The following SDR9C7 variants were observed in gnomAD, a reference collection of about 807,000 sequenced individuals.
SDR9C7 encodes short-chain dehydrogenase/reductase family 9C member 7.
SDR9C7 carries 11 observed loss-of-function variants against 23.6 expected under a neutral mutation model. That is an observed-to-expected ratio of 0.47 (90% CI 0.29 to 0.77). SDR9C7 has a LOEUF of 0.77. SDR9C7 is among the 30% of genes least tolerant of loss of function. The pLI is 0.09. For synonymous variants in SDR9C7, 167 were observed against 157.3 expected, an observed-to-expected ratio of 1.06 and a Z score of -0.46; for missense variants, 387 against 407.1, an observed-to-expected ratio of 0.95 and a Z score of 0.42.
chr12:56,933,325 G>T (rs1168970315), intron 1 of SDR9C7, among the ~76,000 whole-genome samples: 1 of 152,114 alleles, frequency 6.6e-6, no homozygotes, highest in Non-Finnish European at 1.5e-5. Context: ...TGATGGTTAG[G>T]ACTGCTGAAA....
In SDR9C7 at chr12:56,933,836, C is replaced by T. The variant is rs1192318685; in HGVS notation, c.301+125G>A. 4 of 1,159,942 alleles carry T rather than the reference C, an allele frequency of 3.4e-6. No individual in the cohort carries two copies. The East Asian group carries it at 9.5e-5, about 28-fold the overall frequency. 71.9% of individuals were successfully genotyped at this position (1,159,942 alleles called of 1,614,324 possible). On this transcript the variant is annotated intron_variant, in intron 1 of 3. Transcript: ENST00000293502. ...CTTCCAATCAGATTGAGGCAGGGGC[C>T]TTTCCCTACATCACCCCTCCCACCC...
rs757711160 is a variant in SDR9C7 at position 56,930,506 on chromosome 12, C to A, written c.302-22G>T. 8.7e-6 allele frequency: 14 copies of A among 1,609,836 alleles called. 1 individual carries two copies. The South Asian group carries it at 1.4e-4, about 16-fold the overall frequency. ...AGGCCTGGGGGTGAGATGAACCACA[C>A]AGAAATCATCAGTGGGCCTGGGAAA... On this transcript the variant is annotated intron_variant, in intron 1 of 3. Transcript: ENST00000293502.
Position 56,926,184 on chromosome 12 carries a change from C to T in SDR9C7, c.725-2134G>A, listed in dbSNP as rs181298445. Among the ~76,000 whole-genome samples, 137 of 152,286 alleles carry T rather than the reference C, an allele frequency of 9.0e-4. 1 individual carries two copies. Among genetic ancestry groups the T allele is most frequent in the African/African-American group, 3.3e-3 (137 of 41,550 alleles). On this transcript the variant is annotated intron_variant, in intron 3 of 3. Coordinates refer to ENST00000293502, the MANE Select transcript of SDR9C7 (RefSeq NM_148897.3). The stretch of plus-strand genomic sequence containing the variant: ...CAGGCCTGGTCCTAGGGGTTACAAG[C>T]CAGGGGCCTGTTTGGTCAGTCACAG...
Position 56,923,516 on chromosome 12 carries a change from G to C in SDR9C7, c.*317C>G, listed in dbSNP as rs1955711741. ...AGGGGCTCATGATTCCACAGGAGCT[G>C]GTTTTCTTCTCCATGACTTTTCCAG... On this transcript the variant is annotated 3_prime_UTR_variant, in exon 4 of 4. Transcript: ENST00000293502. 1 of 218,148 alleles carries C rather than the reference G, an allele frequency of 4.6e-6. No homozygotes were observed. 13.5% of individuals were successfully genotyped at this position (218,148 alleles called of 1,614,324 possible). A position where few individuals can be genotyped will look rare whatever the true frequency, so the allele number is the denominator to read the frequency against.
chr12:56,926,262 C>T (rs1955733127), intron 3 of SDR9C7, among the ~76,000 whole-genome samples: 1 of 152,204 alleles, frequency 6.6e-6, no homozygotes. Context: ...CTAAATATCT[C>T]TTCTGTCTGT....
chr12:56,925,413 T>C (rs1225167390), intron 3 of SDR9C7, among the ~76,000 whole-genome samples: 2 of 152,144 alleles, frequency 1.3e-5, no homozygotes, highest in Non-Finnish European at 2.9e-5. Flanking sequence ...TGATAAGGTA[T>C]GAAAACTTGA....
chr12:56,931,194 G>A (rs1445344720), intron 1 of SDR9C7, among the ~76,000 whole-genome samples: 1 of 152,116 alleles, frequency 6.6e-6, no homozygotes, highest in African/African-American at 2.4e-5. Flanking sequence ...GTTACAGTGA[G>A]CTATAATGGT....
intron 3 of SDR9C7, among the ~76,000 whole-genome samples, chr12:56,925,340 T>C (rs567696408): frequency 6.6e-6 from 1 of 152,128 alleles, no homozygotes; most frequent in East Asian, 1.9e-4. Context: ...GACAGGGGGA[T>C]TCATGCTTCA....
rs766659615 is a variant in SDR9C7 at position 56,924,062 on chromosome 12, C to A, written c.725-12G>T. On this transcript the variant is annotated splice_polypyrimidine_tract_variant and intron_variant, in intron 3 of 3. Coordinates refer to ENST00000293502, the MANE Select transcript of SDR9C7 (RefSeq NM_148897.3). Reference sequence around the variant, plus strand: ...TAACTTGTCAGTATCTGTTTGAGGGCAGAGAGGGGAAAAAGGCTCTGTTAT... The same window carrying A: ...TAACTTGTCAGTATCTGTTTGAGGGAAGAGAGGGGAAAAAGGCTCTGTTAT... The A allele has an allele frequency of 2.7e-5, 42 of 1,572,548 alleles. No homozygotes were observed. In the South Asian group the frequency reaches 4.6e-4, roughly 17 times the overall value.
intron 1 of SDR9C7, among the ~76,000 whole-genome samples, chr12:56,933,710 G>A (rs1258887162): frequency 6.6e-6 from 1 of 152,092 alleles, no homozygotes; most frequent in Non-Finnish European, 1.5e-5. Flanking sequence ...TTCCCCCCTC[G>A]CTTCCTATTG....
chr12:56,932,237 G>A (rs988720192), intron 1 of SDR9C7, among the ~76,000 whole-genome samples: 1 of 152,162 alleles, frequency 6.6e-6, no homozygotes, highest in Non-Finnish European at 1.5e-5. Flanking sequence ...AACCTGGTGA[G>A]CCCAATATAA....
At chr12:56,925,575 A>G (rs765178557) in intron 3 of SDR9C7, among the ~76,000 whole-genome samples, 3 of 152,134 alleles carry the variant, frequency 2.0e-5, no homozygotes, top group African/African-American at 4.8e-5. Context: ...GAGAAACTCC[A>G]TTTTCTGTTT....
chr12:56,933,132 A>C (rs1351481392), intron 1 of SDR9C7, among the ~76,000 whole-genome samples: 1 of 152,176 alleles, frequency 6.6e-6, no homozygotes, highest in Non-Finnish European at 1.5e-5. Context: ...TGTGACATAC[A>C]TACTTGCCCT....
At chr12:56,928,494 G>T (rs1355164535) in intron 3 of SDR9C7, among the ~76,000 whole-genome samples, 1 of 152,096 alleles carries the variant, frequency 6.6e-6, no homozygotes, top group South Asian at 2.1e-4. Context: ...ATTTATGTTT[G>T]TCTCCCCTAC....
Position 56,923,153 on chromosome 12 carries a change from C to A in SDR9C7, c.*680G>T, listed in dbSNP as rs1955709973. The A allele has an allele frequency of 6.6e-6, 1 of 152,080 alleles. No individual in the cohort carries two copies. Among genetic ancestry groups the A allele is most frequent in the African/African-American group, 2.4e-5 (1 of 41,392 alleles). The allele number at this position is 152,080 out of a possible 1,614,324, so 9.4% of individuals were successfully genotyped here. A position where few individuals can be genotyped will look rare whatever the true frequency, so the allele number is the denominator to read the frequency against. ...CAAAATAAACAATAAAAAACCAAGA[C>A]CATGATTTAATCATCTTTATATTCC... On this transcript the variant is annotated 3_prime_UTR_variant, in exon 4 of 4. Transcript: ENST00000293502.
At chr12:56,924,073 A>G in intron 3 of SDR9C7, 23 bp from the exon 4 acceptor site, 2 of 1,513,904 alleles carry the variant, frequency 1.3e-6, no homozygotes, top group Non-Finnish European at 1.8e-6. Flanking sequence ...AGAGAGGGGA[A>G]AAAGGCTCTG....
At chr12:56,932,984 C>G (rs1456458602) in intron 1 of SDR9C7, among the ~76,000 whole-genome samples, 2 of 152,218 alleles carry the variant, frequency 1.3e-5, no homozygotes, top group African/African-American at 2.4e-5. Context: ...CTCTAGTCTG[C>G]TGCTTCTGCA....
At chr12:56,931,335 A>G (rs994021421) in intron 1 of SDR9C7, among the ~76,000 whole-genome samples, 2 of 152,034 alleles carry the variant, frequency 1.3e-5, no homozygotes, top group African/African-American at 4.8e-5. Context: ...ACAGCATCTT[A>G]TCCCTCAAGG....
chr12:56,929,935 CCTGT>C (rs1304042697), intron 2 of SDR9C7, among the ~76,000 whole-genome samples: 3 of 152,286 alleles, frequency 2.0e-5, no homozygotes, highest in South Asian at 2.1e-4. Context: ...TGCCTCCAGG[CCTGT>C]CTGTCTGTTT....
Sources: allele counts gnomAD v4.1 joint callset (sites outside exome capture counted in the v4.1 genomes callset), GRCh38; gene constraint gnomAD v4.1.1; transcripts MANE v1.5; gene names NCBI Gene and HGNC (gene_info 2026-07-23, HGNC 2026-07-21).